DCAF6: variants seen among roughly 807,000 people sequenced by gnomAD.
DCAF6 encodes DDB1 and CUL4 associated factor 6, also known as DDB1- and CUL4-associated factor 6.
A neutral mutation model predicts 125.1 loss-of-function variants in DCAF6; 54 were observed. The observed-to-expected ratio is 0.43, with a 90% confidence interval of 0.35 to 0.54. DCAF6 has a LOEUF of 0.54. DCAF6 is among the 20% of genes least tolerant of loss of function. The probability of loss-of-function intolerance (pLI) is 0.01; values close to 1 mark genes in which losing one functional copy is unlikely to be tolerated. For missense variants in DCAF6, 934 were observed against 1,161.7 expected, an observed-to-expected ratio of 0.80 and a Z score of 2.85; for synonymous variants, 371 against 390.4, an observed-to-expected ratio of 0.95 and a Z score of 0.58.
At chr1:167,994,895 G>A (rs1244218282) in intron 7 of DCAF6, among the ~76,000 whole-genome samples, 7 of 151,950 alleles carry the variant, frequency 4.6e-5, no homozygotes, top group Non-Finnish European at 1.0e-4. Flanking sequence ...AGTGATTTTG[G>A]AATTCCTACG....
chr1:167,909,615 A>G, the DCAF6 span, among the ~76,000 whole-genome samples: 959 of 152,228 alleles, frequency 6.3e-3, 8 homozygotes, highest in African/African-American at 0.022. Flanking sequence ...TGTGTGGCCC[A>G]AGATGATTCT....
chr1:168,009,361 T>C (rs958846854), intron 10 of DCAF6, among the ~76,000 whole-genome samples: 22 of 136,916 alleles, frequency 1.6e-4, no homozygotes, highest in Non-Finnish European at 2.9e-4. Flanking sequence ...CTTCCTTCCT[T>C]CCTTCCTTCC....
chr1:167,986,965 ATTGTT>A (rs1450324255), intron 4 of DCAF6, among the ~76,000 whole-genome samples: 3 of 152,204 alleles, frequency 2.0e-5, no homozygotes, highest in African/African-American at 7.2e-5. Flanking sequence ...CATTTAAACT[ATTGTT>A]TTGAGAGTAC....
intron 11 of DCAF6, among the ~76,000 whole-genome samples, chr1:168,021,721 A>G (rs1294684009): frequency 2.6e-5 from 4 of 152,216 alleles, no homozygotes; most frequent in Non-Finnish European, 5.9e-5. Flanking sequence ...GAAGATTTAA[A>G]GTTGATTGAA....
the DCAF6 span, among the ~76,000 whole-genome samples, chr1:167,868,716 C>T: frequency 2.5e-4 from 38 of 152,334 alleles, no homozygotes; most frequent in African/African-American, 7.9e-4. Flanking sequence ...CCTGTCTATG[C>T]TTTCCGCGAA....
chr1:167,876,100 T>C, the DCAF6 span, among the ~76,000 whole-genome samples: 2 of 151,294 alleles, frequency 1.3e-5, no homozygotes, highest in East Asian at 3.9e-4. Flanking sequence ...CTACTAAAAA[T>C]ACAAAAATTA....
the DCAF6 span, among the ~76,000 whole-genome samples, chr1:167,882,608 G>A: frequency 2.0e-5 from 3 of 152,066 alleles, no homozygotes; most frequent in Non-Finnish European, 4.4e-5. Flanking sequence ...GGCTTTCTTG[G>A]AAACAAGCTT....
the DCAF6 span, chr1:167,901,720 G>A: frequency 2.5e-6 from 4 of 1,614,154 alleles, no homozygotes; most frequent in Non-Finnish European, 3.4e-6. Context: ...ACAATCCATG[G>A]ATCTCCAGGC....
chr1:167,911,019 T>C, the DCAF6 span, among the ~76,000 whole-genome samples: 4 of 152,218 alleles, frequency 2.6e-5, no homozygotes, highest in African/African-American at 9.6e-5. Flanking sequence ...ACATGCATAG[T>C]ATAGACTGTT....
intron 21 of DCAF6, among the ~76,000 whole-genome samples, chr1:168,074,989 A>G (rs1453184802): frequency 6.6e-6 from 1 of 152,198 alleles, no homozygotes; most frequent in Non-Finnish European, 1.5e-5. Context: ...CTTTTTACAA[A>G]CAGAATTACA....
At chr1:167,941,871 A>G (rs1672295157) in intron 1 of DCAF6, among the ~76,000 whole-genome samples, 1 of 152,178 alleles carries the variant, frequency 6.6e-6, no homozygotes. Flanking sequence ...GCTGACTTGT[A>G]TGGTAAGTAT....
intron 13 of DCAF6, among the ~76,000 whole-genome samples, chr1:168,041,892 G>GCACACACA (rs756614679): frequency 1.2e-4 from 14 of 119,850 alleles, no homozygotes; most frequent in East Asian, 5.1e-4. Flanking sequence ...CATGTTTGTC[G>GCACACACA]CGCACACACA....
At chr1:167,986,290 G>T (rs1367515975) in intron 4 of DCAF6, among the ~76,000 whole-genome samples, 1 of 152,092 alleles carries the variant, frequency 6.6e-6, no homozygotes, top group Non-Finnish European at 1.5e-5. Context: ...GTTTTCCATT[G>T]CAATTGTACC....
At chr1:167,994,884 C>T (rs923194061) in intron 7 of DCAF6, among the ~76,000 whole-genome samples, 1 of 152,000 alleles carries the variant, frequency 6.6e-6, no homozygotes, top group African/African-American at 2.4e-5. Flanking sequence ...TTACTAATAA[C>T]AGTGATTTTG....
chr1:167,946,713 A>G (rs1673147432), intron 1 of DCAF6, among the ~76,000 whole-genome samples: 1 of 152,176 alleles, frequency 6.6e-6, no homozygotes, highest in African/African-American at 2.4e-5. Context: ...CATTCCTGGT[A>G]TAAAACCCAC....
chr1:168,045,302 A>G (rs1289850618), intron 16 of DCAF6, 75 bp downstream of exon 16: 2 of 1,354,832 alleles, frequency 1.5e-6, no homozygotes, highest in African/African-American at 3.0e-5. Context: ...ATTGAAGGGA[A>G]TCTCTCCATT....
the DCAF6 span, chr1:167,883,658 T>C: frequency 6.2e-7 from 1 of 1,612,484 alleles, no homozygotes. Flanking sequence ...TTTCTGTAGG[T>C]GTCCTTGGCA....
the DCAF6 span, among the ~76,000 whole-genome samples, chr1:167,915,755 T>C: frequency 6.6e-6 from 1 of 152,154 alleles, no homozygotes; most frequent in Non-Finnish European, 1.5e-5. Context: ...CTGGCCCGTT[T>C]CCTGAACTTT....
Position 168,035,327 on chromosome 1 carries a change from GTC to G in DCAF6, c.1610-3043_1610-3042del, listed in dbSNP as rs1558008093. Among the ~76,000 whole-genome samples the G allele has an allele frequency of 7.6e-4, 116 of 152,216 alleles. 1 individual carries two copies. In the South Asian group the frequency reaches 0.022, roughly 29 times the overall value. On this transcript the variant is annotated intron_variant, in intron 12 of 21. Transcript: ENST00000367840. The stretch of plus-strand genomic sequence containing the variant: ...CCAGGTGTGATGGCATGTGCCTATA[GTC>G]CCAGCTACTCAGGAGGCTGAGGTGG...
Sources: allele counts gnomAD v4.1 joint callset (sites outside exome capture counted in the v4.1 genomes callset), GRCh38; gene constraint gnomAD v4.1.1; transcripts MANE v1.5; gene names NCBI Gene and HGNC (gene_info 2026-07-23, HGNC 2026-07-21).